KLKB1: variants seen among roughly 807,000 people sequenced by gnomAD.
KLKB1 encodes plasma kallikrein.
KLKB1 carries 58 observed loss-of-function variants against 73.6 expected under a neutral mutation model. The observed-to-expected ratio is 0.79, with a 90% CI of 0.64 to 0.98. KLKB1 has a LOEUF of 0.98. Ranked by LOEUF, KLKB1 falls within the 50% of genes least tolerant of loss-of-function variation. The pLI, the probability that KLKB1 is intolerant of heterozygous loss-of-function variation, is 0.00. For missense variants in KLKB1, 737 were observed against 763.8 expected, an observed-to-expected ratio of 0.96 and a Z score of 0.41; for synonymous variants, 280 against 258.1, an observed-to-expected ratio of 1.08 and a Z score of -0.81.
chr4:186,252,036 C>T lies in KLKB1; in HGVS notation c.1164C>T (p.Ser388=). Residue 388 remains serine (S), a synonymous_variant, in exon 11 of 15, where the codon AGC becomes AGT. Coordinates refer to ENST00000264690, the MANE Select transcript of KLKB1 (RefSeq NM_000892.5). The stretch of plus-strand genomic sequence containing the variant: ...TTTCAGTCTGCACAACAAAAACAAG[C>T]ACACGCATTGTTGGAGGAACAAACT... ...GDNSVCTTKT[S]TRIVGGTNSS... The T allele has an allele frequency of 6.2e-7, 1 of 1,614,178 alleles. No individual in the cohort carries two copies. Among genetic ancestry groups the T allele is most frequent in the Non-Finnish European group, 8.5e-7 (1 of 1,180,048 alleles).
At chr4:186,243,853 T>C (rs998616561) in intron 6 of KLKB1, among the ~76,000 whole-genome samples, 4 of 152,108 alleles carry the variant, frequency 2.6e-5, no homozygotes, top group African/African-American at 9.7e-5. Context: ...TACTACAGCA[T>C]AGCCTGCCTT....
chr4:186,213,240 G>A (rs1363696327), intron 2 of KLKB1: 1 of 152,220 alleles, frequency 6.6e-6, no homozygotes, highest in African/African-American at 2.4e-5. Context: ...ATTGAAATGT[G>A]GATGCTGCCT....
chr4:186,232,129 T>C lies in KLKB1; in HGVS notation c.61T>C (p.Cys21Arg), dbSNP rs1409421830. The C allele has an allele frequency of 6.2e-7, 1 of 1,606,192 alleles. No individual in the cohort carries two copies. Among genetic ancestry groups the C allele is most frequent in the Non-Finnish European group, 8.5e-7 (1 of 1,175,338 alleles). Residue 21 changes from cysteine to arginine, a missense_variant and splice_region_variant, in exon 3 of 15, where the codon TGT becomes CGT. Coordinates refer to ENST00000264690, the MANE Select transcript of KLKB1 (RefSeq NM_000892.5). ...TAATTTTTATGGTTCTGTCACAGGATGTCTGACTCAACTCTATGAAAACGC... is the reference window on the plus strand; with the variant it reads ...TAATTTTTATGGTTCTGTCACAGGACGTCTGACTCAACTCTATGAAAACGC... ...ISLFATVSCG[C>R]LTQLYENAFF...
intron 6 of KLKB1, among the ~76,000 whole-genome samples, chr4:186,245,839 T>C (rs1185753911): frequency 6.2e-5 from 9 of 144,900 alleles, no homozygotes; most frequent in Admixed American, 4.9e-4. Flanking sequence ...TTTTTTTTAA[T>C]GTCAGGAGCT....
Position 186,246,793 on chromosome 4 carries a change from C to T in KLKB1, c.599-3450C>T, listed in dbSNP as rs62348797. 5.0e-3 allele frequency among the ~76,000 whole-genome samples: 768 copies of T among 152,206 alleles called. 1 individual carries two copies. Among genetic ancestry groups the T allele is most frequent in the Non-Finnish European group, 7.6e-3 (518 of 68,012 alleles). The stretch of plus-strand genomic sequence containing the variant: ...AGGGTGAAGGATCAAGGCAGGCATT[C>T]GCGCGGTGATCAGATACCTCTGAAA... On this transcript the variant is annotated intron_variant, in intron 6 of 14. Coordinates refer to ENST00000264690, the MANE Select transcript of KLKB1 (RefSeq NM_000892.5).
chr4:186,211,664 T>TACACACATACACACAC (rs1736724320), intron 2 of KLKB1: 2 of 138,346 alleles, frequency 1.4e-5, no homozygotes, highest in African/African-American at 5.7e-5. Context: ...AATACACACA[T>TACACACATACACACAC]ACACACACAC....
At chr4:186,216,767 G>A (rs991668515) in intron 2 of KLKB1, among the ~76,000 whole-genome samples, 3 of 152,136 alleles carry the variant, frequency 2.0e-5, no homozygotes, top group Non-Finnish European at 4.4e-5. Flanking sequence ...CAAAGCCAGC[G>A]CTGGAGCACT....
At chr4:186,244,479 C>T (rs1251949892) in intron 6 of KLKB1, among the ~76,000 whole-genome samples, 1 of 152,162 alleles carries the variant, frequency 6.6e-6, no homozygotes, top group African/African-American at 2.4e-5. Flanking sequence ...TCCTCGAAGC[C>T]TTGTGGCAGT....
intron 11 of KLKB1, among the ~76,000 whole-genome samples, chr4:186,252,676 C>CAATCCCACCACT: frequency 6.8e-6 from 1 of 146,618 alleles, no homozygotes; most frequent in Non-Finnish European, 1.5e-5. Context: ...ATCCCACCAC[C>CAATCCCACCACT]TACCCCACCA....
chr4:186,235,497 C>G (rs983314864), intron 4 of KLKB1, among the ~76,000 whole-genome samples: 4 of 152,178 alleles, frequency 2.6e-5, no homozygotes, highest in Non-Finnish European at 5.9e-5. Context: ...TCTTTTCTCA[C>G]ATGCAGAAAA....
In KLKB1 at chr4:186,251,232, C is replaced by G; in HGVS notation, c.772C>G (p.Leu258Val). Residue 258 changes from leucine to valine, a missense_variant, in exon 8 of 15, where the codon CTT becomes GTT. Physicochemically the swap from Leu to Val is conservative, Grantham distance 32 (BLOSUM62 1). Transcript: ENST00000264690. Reference sequence around the variant, plus strand: ...TAAAAAAAATAGAAATGTTTGTCTTCTTAAAACATCTGAAAGTGGCACACC... The same window carrying G: ...TAAAAAAAATAGAAATGTTTGTCTTGTTAAAACATCTGAAAGTGGCACACC... ...KIESQRNVCLLKTSESGTPSS... is the reference protein window; with the variant it reads ...KIESQRNVCLVKTSESGTPSS... 6.2e-7 allele frequency: 1 copy of G among 1,600,378 alleles called. No homozygotes were observed. The highest frequency in any genetic ancestry group is 8.6e-7 in the Non-Finnish European group (1 of 1,168,210).
At chr4:186,223,318 G>A (rs1411291325), upstream of KLKB1, among the ~76,000 whole-genome samples, 1 of 152,230 alleles carries the variant, frequency 6.6e-6, no homozygotes, top group Non-Finnish European at 1.5e-5. Flanking sequence ...CTGGGTAACA[G>A]GCAGAGGTTG....
chr4:186,213,608 C>T (rs182385827), intron 2 of KLKB1, among the ~76,000 whole-genome samples: 24 of 152,280 alleles, frequency 1.6e-4, no homozygotes, highest in Non-Finnish European at 2.8e-4. Context: ...ACAAAGTAAA[C>T]TCAGTTACTG....
chr4:186,253,477 A>G (rs900207943), intron 11 of KLKB1, among the ~76,000 whole-genome samples: 1 of 152,190 alleles, frequency 6.6e-6, no homozygotes, highest in Non-Finnish European at 1.5e-5. Context: ...AAGTCCCAAG[A>G]TGGGAAATAG....
In KLKB1 at chr4:186,238,446, G is replaced by A. The variant is rs4253351; in HGVS notation, c.598+81G>A. ...GAGACGTCCCTGTGCTGAGCCCTGG[G>A]ACCTGTGCGTGTGTTCCCATAGCTG... On this transcript the variant is annotated intron_variant, in intron 6 of 14. Coordinates refer to ENST00000264690, the MANE Select transcript of KLKB1 (RefSeq NM_000892.5). 6.1e-3 allele frequency: 5,881 copies of A among 959,226 alleles called. 209 individuals carry two copies. The African/African-American group carries it at 0.084, about 14-fold the overall frequency. The allele number at this position is 959,226 out of a possible 1,614,324, so 59.4% of individuals were successfully genotyped here. A position where few individuals can be genotyped will look rare whatever the true frequency, so the allele number is the denominator to read the frequency against.
At chr4:186,241,619 C>T (rs1738054688) in intron 6 of KLKB1, among the ~76,000 whole-genome samples, 1 of 152,036 alleles carries the variant, frequency 6.6e-6, no homozygotes, top group South Asian at 2.1e-4. Context: ...TACCATGTGA[C>T]TTATTAATTT....
intron 4 of KLKB1, 93 bp from the exon 5 acceptor site, chr4:186,236,688 A>T: frequency 7.7e-7 from 1 of 1,299,212 alleles, no homozygotes; most frequent in Non-Finnish European, 1.1e-6. Context: ...GGCTATTATC[A>T]TTCTAAACTA....
rs767595392 is a variant in KLKB1 at position 186,232,121 on chromosome 4, T to C, written c.59-6T>C. 3 of 1,600,994 alleles carry C rather than the reference T, an allele frequency of 1.9e-6. No homozygotes were observed. The highest frequency in any genetic ancestry group is 2.6e-6 in the Non-Finnish European group (3 of 1,172,986). ...TCGCAAATTAATTTTTATGGTTCTGTCACAGGATGTCTGACTCAACTCTAT... is the reference window on the plus strand; with the variant it reads ...TCGCAAATTAATTTTTATGGTTCTGCCACAGGATGTCTGACTCAACTCTAT... On this transcript the variant is annotated splice_region_variant and splice_polypyrimidine_tract_variant and intron_variant, in intron 2 of 14. Coordinates refer to ENST00000264690, the MANE Select transcript of KLKB1 (RefSeq NM_000892.5).
At chr4:186,257,996 A>G (rs1235178322) in intron 14 of KLKB1, 25 bp from the exon 15 acceptor site, 12 of 1,609,230 alleles carry the variant, frequency 7.5e-6, no homozygotes, top group South Asian at 1.1e-5. Context: ...ACTTTCTACT[A>G]TTTTATTTTT....
Sources: allele counts gnomAD v4.1 joint callset (sites outside exome capture counted in the v4.1 genomes callset), GRCh38; gene constraint gnomAD v4.1.1; transcripts MANE v1.5; gene names NCBI Gene and HGNC (gene_info 2026-07-23, HGNC 2026-07-21).